PHTF2: variants seen among roughly 807,000 people sequenced by gnomAD.
PHTF2 encodes protein PHTF2.
In PHTF2, 60 loss-of-function variants were observed where a neutral mutation model predicts 101.2. The observed-to-expected ratio is 0.59, with a 90% CI of 0.48 to 0.73. The LOEUF is 0.73. Among genes scored for constraint, PHTF2 ranks in the 30% least tolerant of loss-of-function variants. The pLI, the probability that PHTF2 is intolerant of heterozygous loss-of-function variation, is 0.00. For synonymous variants in PHTF2, 311 were observed against 307.3 expected, an observed-to-expected ratio of 1.01 and a Z score of -0.13; for missense variants, 747 against 908.7, an observed-to-expected ratio of 0.82 and a Z score of 2.29.
chr7:77,853,583 A>G (rs141045029), intron 2 of PHTF2, among the ~76,000 whole-genome samples: 237 of 152,062 alleles, frequency 1.6e-3, no homozygotes, highest in African/African-American at 5.6e-3. Flanking sequence ...TAGTAGAGAC[A>G]GGGTTTCAAC....
At chr7:77,813,934 A>G (rs1793642169) in intron 1 of PHTF2, among the ~76,000 whole-genome samples, 1 of 152,232 alleles carries the variant, frequency 6.6e-6, no homozygotes, top group Non-Finnish European at 1.5e-5. Flanking sequence ...TAATGATGTT[A>G]CATAAAATCG....
At chr7:77,930,245 T>C (rs1351268287) in intron 12 of PHTF2, among the ~76,000 whole-genome samples, 1 of 152,108 alleles carries the variant, frequency 6.6e-6, no homozygotes, top group Non-Finnish European at 1.5e-5. Context: ...TAAGCCACCC[T>C]GCCCAGTCGG....
chr7:77,912,411 T>C (rs778089654), intron 9 of PHTF2, among the ~76,000 whole-genome samples: 5 of 152,208 alleles, frequency 3.3e-5, no homozygotes, highest in Non-Finnish European at 7.4e-5. Context: ...TATTTTCTTC[T>C]TTCAGGCTTT....
At chr7:77,803,806 G>T (rs1044511601) in intron 1 of PHTF2, among the ~76,000 whole-genome samples, 5 of 151,534 alleles carry the variant, frequency 3.3e-5, no homozygotes, top group Non-Finnish European at 5.9e-5. Context: ...TTAAAGGGAG[G>T]CAATAGGATT....
intron 2 of PHTF2, among the ~76,000 whole-genome samples, chr7:77,840,905 T>C (rs1038520938): frequency 3.9e-5 from 6 of 152,124 alleles, no homozygotes; most frequent in Non-Finnish European, 8.8e-5. Flanking sequence ...GTGTTGTTTA[T>C]ATTCTTTAAA....
chr7:77,919,313 A>C (rs1054168442), intron 9 of PHTF2, among the ~76,000 whole-genome samples: 8 of 152,074 alleles, frequency 5.3e-5, no homozygotes, highest in Non-Finnish European at 1.2e-4. Context: ...TTTTTAAAAA[A>C]CTTTTGGTTT....
intron 3 of PHTF2, among the ~76,000 whole-genome samples, chr7:77,881,431 G>C (rs893524941): frequency 6.6e-6 from 1 of 151,850 alleles, no homozygotes; most frequent in African/African-American, 2.4e-5. Flanking sequence ...CCCAGTTTAT[G>C]CTGCTGAGGT....
intron 5 of PHTF2, among the ~76,000 whole-genome samples, chr7:77,894,446 G>A (rs1299687756): frequency 6.6e-6 from 1 of 152,182 alleles, no homozygotes; most frequent in Non-Finnish European, 1.5e-5. Context: ...TTGAAAACCA[G>A]TGTCTATAGT....
At chr7:77,910,008 A>G (rs1802231009) in intron 8 of PHTF2, 3 of 348,556 alleles carry the variant, frequency 8.6e-6, no homozygotes, top group Non-Finnish European at 1.5e-5. Context: ...AATCCTTTCA[A>G]TCTTCTGTCC....
chr7:77,898,533 C>T (rs989048223), intron 5 of PHTF2, among the ~76,000 whole-genome samples: 15 of 152,038 alleles, frequency 9.9e-5, no homozygotes, highest in African/African-American at 2.7e-4. Flanking sequence ...ATCCATCAGC[C>T]GCTTTATAGT....
intron 2 of PHTF2, among the ~76,000 whole-genome samples, chr7:77,841,563 C>T (rs1168059637): frequency 3.3e-5 from 5 of 152,098 alleles, no homozygotes; most frequent in Admixed American, 6.5e-5. Context: ...CTCTTGGGCT[C>T]ATGTGGTCCT....
chr7:77,956,755 A>T (rs921948067), exon 20 of PHTF2: 4 of 152,628 alleles, frequency 2.6e-5, no homozygotes, highest in Non-Finnish European at 5.9e-5. Context: ...GAGTTCTGTT[A>T]GGAATAAAAG....
chr7:77,933,004 C>T (rs565601580), intron 12 of PHTF2, among the ~76,000 whole-genome samples: 6 of 152,018 alleles, frequency 3.9e-5, no homozygotes, highest in South Asian at 4.2e-4. Context: ...TTTGGGAGGC[C>T]GAGGCGGGTG....
At chr7:77,864,908 G>C (rs1797930990) in intron 3 of PHTF2, among the ~76,000 whole-genome samples, 1 of 151,964 alleles carries the variant, frequency 6.6e-6, no homozygotes, top group Non-Finnish European at 1.5e-5. Context: ...TGGCTTTAAA[G>C]ATATTTCATA....
chr7:77,812,089 G>C (rs1019352634), intron 1 of PHTF2, among the ~76,000 whole-genome samples: 8 of 152,170 alleles, frequency 5.3e-5, no homozygotes, highest in African/African-American at 1.7e-4. Context: ...GAATTACTTA[G>C]ATCTTATCTG....
At chr7:77,874,072 A>G (rs753242338) in intron 3 of PHTF2, among the ~76,000 whole-genome samples, 1 of 152,164 alleles carries the variant, frequency 6.6e-6, no homozygotes, top group Non-Finnish European at 1.5e-5. Context: ...CAACTTCATT[A>G]TGTTCCTTGG....
chr7:77,867,453 T>C (rs999781769), intron 3 of PHTF2, among the ~76,000 whole-genome samples: 3 of 152,192 alleles, frequency 2.0e-5, no homozygotes, highest in Admixed American at 6.5e-5. Flanking sequence ...ACTGTAAACA[T>C]AGAGATAGCT....
At chr7:77,884,536 C>G (rs1158670516) in intron 3 of PHTF2, among the ~76,000 whole-genome samples, 2 of 152,094 alleles carry the variant, frequency 1.3e-5, no homozygotes, top group African/African-American at 4.8e-5. Flanking sequence ...TGACTGATAA[C>G]ATTTATTTTT....
chr7:77,937,645 T>C, intron 12 of PHTF2, 65 bp from the exon 12 acceptor site: 1 of 583,856 alleles, frequency 1.7e-6, no homozygotes, highest in Admixed American at 4.1e-5. Flanking sequence ...TATACAACTT[T>C]ATATACACAC....
Sources: gnomAD v4.1 joint callset for allele counts (sites outside exome capture counted in the v4.1 genomes callset) on GRCh38, gnomAD v4.1.1 for gene constraint, MANE v1.5 for transcripts, NCBI Gene and HGNC (gene_info 2026-07-23, HGNC 2026-07-21) for gene names.